The following EEA1 variants were observed in gnomAD, a reference collection of about 807,000 sequenced individuals.
EEA1 encodes the protein early endosome antigen 1.
In EEA1, 111 loss-of-function variants were observed where a neutral mutation model predicts 209.2. That is an observed-to-expected ratio of 0.53 (90% CI 0.45 to 0.62). EEA1 has a LOEUF of 0.62. Ranked by LOEUF, EEA1 falls within the 20% of genes least tolerant of loss-of-function variation. The pLI, the probability that EEA1 is intolerant of heterozygous loss-of-function variation, is 0.00. For missense variants in EEA1, 1,343 were observed against 1,530.8 expected, an observed-to-expected ratio of 0.88 and a Z score of 2.05; for synonymous variants, 536 against 540.6, an observed-to-expected ratio of 0.99 and a Z score of 0.12.
intron 10 of EEA1, among the ~76,000 whole-genome samples, chr12:92,834,897 T>A (rs935423236): frequency 2.0e-5 from 3 of 152,246 alleles, no homozygotes; most frequent in Middle Eastern, 3.4e-3. Context: ...CTTTTTCTTT[T>A]TTGAGACAGT....
At chr12:92,862,810 T>C (rs923773150) in intron 3 of EEA1, among the ~76,000 whole-genome samples, 1 of 152,184 alleles carries the variant, frequency 6.6e-6, no homozygotes, top group Non-Finnish European at 1.5e-5. Flanking sequence ...GAGGAGCAGA[T>C]GTGTAAAAAT....
chr12:92,782,125 T>C lies in EEA1; in HGVS notation c.3161A>G (p.Glu1054Gly). The change falls in exon 23 of 29, where the codon GAG (glutamate) becomes GGG (glycine). Residue 1054 changes from glutamate (E) to glycine (G), a missense_variant. Physicochemically the swap from Glu to Gly is moderately conservative, Grantham distance 98 (BLOSUM62 -2). Around this residue, in one of 3 missense-constraint regions of EEA1, gnomAD observed 1,307 missense variants for 1,465.5 expected, o/e 0.89. Coordinates refer to ENST00000322349, the MANE Select transcript of EEA1 (RefSeq NM_003566.4). ...GTCCTCCTGTGCTAGAGAAAGCTTC[T>C]CTTCTACAGACTTACAAAAACAATT... is the stretch of plus-strand genomic sequence containing the variant. The part of the protein sequence containing the change: ...ATRQDLKSVE[E>G]KLSLAQEDLI... The C allele has an allele frequency of 1.9e-6, 3 of 1,604,272 alleles. No individual in the cohort carries two copies. The highest frequency in any genetic ancestry group is 1.7e-4 in the Middle Eastern group (1 of 5,976).
chr12:92,924,277 G>C (rs1014154571), intron 1 of EEA1, among the ~76,000 whole-genome samples: 1 of 138,916 alleles, frequency 7.2e-6, no homozygotes, highest in Non-Finnish European at 1.5e-5. Flanking sequence ...GCACAATCTC[G>C]GCTCACTGCA....
At chr12:92,839,693 A>C (rs572110963) in intron 10 of EEA1, among the ~76,000 whole-genome samples, 1 of 152,260 alleles carries the variant, frequency 6.6e-6, no homozygotes, top group Non-Finnish European at 1.5e-5. Context: ...ATGTTTTTTA[A>C]ATAAATTAAT....
At chr12:92,812,747 A>C (rs1187909755) in intron 16 of EEA1, among the ~76,000 whole-genome samples, 1 of 152,184 alleles carries the variant, frequency 6.6e-6, no homozygotes, top group Non-Finnish European at 1.5e-5. Context: ...AATATCAGGA[A>C]ACCAACCACA....
chr12:92,797,251 C>A (rs997783150), intron 21 of EEA1, among the ~76,000 whole-genome samples: 1 of 152,082 alleles, frequency 6.6e-6, no homozygotes, highest in Admixed American at 6.6e-5. Flanking sequence ...CCATGCCCAG[C>A]TAATTTTTGT....
chr12:92,868,066 G>A (rs1878478793), intron 2 of EEA1, among the ~76,000 whole-genome samples: 1 of 152,164 alleles, frequency 6.6e-6, no homozygotes. Flanking sequence ...AAGGGCAGGG[G>A]CACAACAGGT....
intron 1 of EEA1, among the ~76,000 whole-genome samples, chr12:92,916,227 C>T (rs1038448454): frequency 6.6e-6 from 1 of 152,088 alleles, no homozygotes; most frequent in Non-Finnish European, 1.5e-5. Flanking sequence ...TAACAGTCTG[C>T]TTTAAAGAAG....
In EEA1 at chr12:92,858,617, C is replaced by T. The variant is rs1470974975; in HGVS notation, c.246-1132G>A. On this transcript the variant is annotated intron_variant, in intron 3 of 28. Transcript: ENST00000322349. ...AATGGCACTTTGCCTGGGTTATGCCCTGATTCTACAACTCAAGTTACTGTG... is the reference window on the plus strand; with the variant it reads ...AATGGCACTTTGCCTGGGTTATGCCTTGATTCTACAACTCAAGTTACTGTG... 1.4e-5 allele frequency: 10 copies of T among 735,626 alleles called. No individual in the cohort carries two copies. The Admixed American group carries it at 1.8e-4, about 13-fold the overall frequency. 45.6% of individuals were successfully genotyped at this position (735,626 alleles called of 1,614,324 possible).
chr12:92,884,588 G>A, intron 2 of EEA1: 3 of 1,468,494 alleles, frequency 2.0e-6, no homozygotes, highest in Non-Finnish European at 2.8e-6. Context: ...AAACTTTGGA[G>A]GCAGAAGCCC....
At chr12:92,812,926 T>C in intron 16 of EEA1, 54 bp downstream of exon 16, 1 of 1,264,218 alleles carries the variant, frequency 7.9e-7, no homozygotes, top group Non-Finnish European at 1.1e-6. Context: ...GTTTGCAATT[T>C]ATTTATCTAC....
chr12:92,813,472 G>A (rs562436431), intron 15 of EEA1, among the ~76,000 whole-genome samples: 22 of 152,164 alleles, frequency 1.4e-4, no homozygotes, highest in African/African-American at 4.6e-4. Flanking sequence ...TGATTACTCC[G>A]AAGATAATCA....
At chr12:92,908,842 G>A (rs936457006) in intron 1 of EEA1, among the ~76,000 whole-genome samples, 2 of 151,946 alleles carry the variant, frequency 1.3e-5, no homozygotes, top group Non-Finnish European at 1.5e-5. Context: ...TTTTTTTCCT[G>A]AGACAGAGTC....
At chr12:92,906,093 CTT>C (rs112834673) in intron 1 of EEA1, among the ~76,000 whole-genome samples, 11 of 139,474 alleles carry the variant, frequency 7.9e-5, no homozygotes, top group Non-Finnish European at 1.1e-4. Flanking sequence ...CTTTTCTTTT[CTT>C]TTTTTTTTTT....
At chr12:92,864,597 ATAATT>A (rs1376774344) in intron 3 of EEA1, among the ~76,000 whole-genome samples, 1 of 152,214 alleles carries the variant, frequency 6.6e-6, no homozygotes, top group Non-Finnish European at 1.5e-5. Context: ...TATGCTAAAT[ATAATT>A]TAATCTTCTT....
intron 25 of EEA1, among the ~76,000 whole-genome samples, chr12:92,778,630 G>A (rs1873763872): frequency 6.6e-6 from 1 of 151,994 alleles, no homozygotes; most frequent in Non-Finnish European, 1.5e-5. Context: ...ATATTCAATG[G>A]CCAAGTTATC....
At chr12:92,880,775 TAA>T (rs1214182993) in intron 2 of EEA1, among the ~76,000 whole-genome samples, 6 of 152,186 alleles carry the variant, frequency 3.9e-5, no homozygotes, top group Non-Finnish European at 8.8e-5. Flanking sequence ...ACACCTGGCT[TAA>T]TTTTTAAAAT....
At chr12:92,907,074 T>C (rs185828893) in intron 1 of EEA1, among the ~76,000 whole-genome samples, 1 of 152,312 alleles carries the variant, frequency 6.6e-6, no homozygotes, top group Admixed American at 6.5e-5. Flanking sequence ...CGAGAAGTTA[T>C]CTTTGCAAAT....
intron 13 of EEA1, among the ~76,000 whole-genome samples, chr12:92,824,145 C>CA (rs1876187330): frequency 6.6e-6 from 1 of 152,184 alleles, no homozygotes; most frequent in Non-Finnish European, 1.5e-5. Flanking sequence ...TCCATCCTTC[C>CA]AAATGCCCAG....
Sources: gnomAD v4.1 joint callset for allele counts (sites outside exome capture counted in the v4.1 genomes callset) on GRCh38, gnomAD v4.1.1 for gene constraint, gnomAD v4.1.1 regional missense constraint, MANE v1.5 for transcripts, NCBI Gene and HGNC (gene_info 2026-07-23, HGNC 2026-07-21) for gene names.